Variants in C5 observed in about 807,000 individuals in gnomAD.
The protein encoded by C5 is complement C5, also known as C3 and PZP-like alpha-2-macroglobulin domain-containing protein 4.
Under a neutral mutation model 218.8 loss-of-function variants are expected in C5, and 140 were observed. The observed-to-expected ratio is 0.64, with a 90% CI of 0.56 to 0.74. C5 has a LOEUF of 0.74. C5 is among the 30% of genes least tolerant of loss of function. C5 has a pLI of 0.00. For synonymous variants in C5, 614 were observed against 682.3 expected, an observed-to-expected ratio of 0.90 and a Z score of 1.56; for missense variants, 1,700 against 1,969.6, an observed-to-expected ratio of 0.86 and a Z score of 2.59.
chr9:120,954,533 C>G (rs952164906), intron 39 of C5, among the ~76,000 whole-genome samples: 26 of 152,176 alleles, frequency 1.7e-4, no homozygotes, highest in Non-Finnish European at 2.1e-4. Flanking sequence ...CCTGGATGCT[C>G]TTTGTTTTAA....
chr9:121,034,976 A>G, intron 4 of C5, 82 bp from the exon 5 acceptor site: 3 of 678,350 alleles, frequency 4.4e-6, no homozygotes, highest in Non-Finnish European at 7.8e-6. Context: ...TTGATGTACA[A>G]AATATTTATA....
intron 30 of C5, among the ~76,000 whole-genome samples, chr9:120,974,506 C>A (rs555956484): frequency 6.6e-6 from 1 of 152,350 alleles, no homozygotes; most frequent in South Asian, 2.1e-4. Flanking sequence ...CAGCCAGGAT[C>A]AGGAGGGCCC....
At chr9:120,976,934 T>C (rs1381903774) in intron 28 of C5, 29 bp from the exon 29 acceptor site, 3 of 1,568,480 alleles carry the variant, frequency 1.9e-6, no homozygotes, top group East Asian at 2.2e-5. Context: ...CATTCATTAA[T>C]ATGATTAAAA....
chr9:121,027,108 C>G (rs2047430521), intron 8 of C5, 52 bp downstream of exon 8: 2 of 961,350 alleles, frequency 2.1e-6, no homozygotes, highest in South Asian at 2.7e-5. Context: ...CTTCTCATCT[C>G]TCACCTCTGG....
intron 28 of C5, among the ~76,000 whole-genome samples, chr9:120,978,543 C>T (rs1037783445): frequency 1.3e-5 from 2 of 152,058 alleles, no homozygotes; most frequent in East Asian, 1.9e-4. Context: ...TTTGAAGTAT[C>T]GTACAAGTGG....
rs556076963 is a variant in C5 at position 120,967,724 on chromosome 9, T to A, written c.4220+1337A>T. Reference sequence around the variant, plus strand: ...ATACCTACATATTCTTTTCTTTTTCTTTTTTTTTTTATTTGGAGACAAGGT... The same window carrying A: ...ATACCTACATATTCTTTTCTTTTTCATTTTTTTTTTATTTGGAGACAAGGT... On this transcript the variant is annotated intron_variant, in intron 33 of 40. Coordinates refer to ENST00000223642, the MANE Select transcript of C5 (RefSeq NM_001735.3). 6.4e-3 allele frequency among the ~76,000 whole-genome samples: 940 copies of A among 146,042 alleles called. 12 individuals are homozygous for A. Among genetic ancestry groups the A allele is most frequent in the African/African-American group, 0.023 (909 of 40,070 alleles).
rs2047284128 is a variant in C5, at chr9:121,013,913, A to T, written c.2217T>A (p.Arg739=). The stretch of plus-strand genomic sequence containing the variant: ...GCATGTCTTTATGAGAGATATTAGC[A>T]CGGAGCTGGCTTGCGACGACACAAC... ...TECCVVASQL[R]ANISHKDMQL... is the part of the protein sequence containing the mutation. Residue 739 remains arginine (R), a synonymous_variant, in exon 17 of 41, where the codon CGT becomes CGA. Transcript: ENST00000223642. 1.2e-6 allele frequency: 2 copies of T among 1,614,056 alleles called. No individual in the cohort carries two copies. The highest frequency in any genetic ancestry group is 1.7e-6 in the Non-Finnish European group (2 of 1,180,036).
Position 120,963,736 on chromosome 9 carries a change from T to C in C5, c.4223A>G (p.Tyr1408Cys). The change falls in exon 34 of 41, where the codon TAC (tyrosine) becomes TGC (cysteine). Residue 1408 changes from tyrosine (Y) to cysteine (C), a missense_variant and splice_region_variant. Transcript: ENST00000223642. ...TGATGATTCTTCCCTGCTGGGCTTG[T>C]AGCTAAAATAAAAAAGAGGTTAGAA... Reference protein sequence around the residue: ...DYKRIVACASYKPSREESSSG... With the variant: ...DYKRIVACASCKPSREESSSG... 1 of 1,608,732 alleles carries C rather than the reference T, an allele frequency of 6.2e-7. No homozygotes were observed. Among genetic ancestry groups the C allele is most frequent in the Non-Finnish European group, 8.5e-7 (1 of 1,175,334 alleles).
chr9:121,004,941 C>T (rs2047204332), intron 20 of C5, among the ~76,000 whole-genome samples: 1 of 150,894 alleles, frequency 6.6e-6, no homozygotes, highest in Admixed American at 6.6e-5. Flanking sequence ...ATTTTAGATG[C>T]CAATTTTAAA....
chr9:120,993,049 T>C (rs2047088490), intron 22 of C5, among the ~76,000 whole-genome samples: 1 of 152,172 alleles, frequency 6.6e-6, no homozygotes, highest in African/African-American at 2.4e-5. Context: ...TGGACAAGTA[T>C]ATGAAGAAAT....
At position 121,016,338 on chromosome 9, in the gene C5, C is replaced by T; in HGVS notation, c.1912G>A (p.Gly638Ser). 6 of 1,614,060 alleles carry T rather than the reference C, an allele frequency of 3.7e-6. No homozygotes were observed. Among genetic ancestry groups the T allele is most frequent in the Non-Finnish European group, 5.1e-6 (6 of 1,179,946 alleles). ...EKSDLGCGAGGGLNNANVFHL... is the reference protein window; with the variant it reads ...EKSDLGCGAGSGLNNANVFHL... ...AACACATTGGCATTGTTGAGGCCAC[C>T]ACCTGCCCCACAGCCCAGATCACTC... The change falls in exon 15 of 41, where the codon GGT (glycine) becomes AGT (serine). Residue 638 changes from glycine to serine, a missense_variant. Transcript: ENST00000223642.
chr9:120,997,367 G>A (rs1019893955), intron 21 of C5, among the ~76,000 whole-genome samples, 180 bp downstream of exon 21: 3 of 151,958 alleles, frequency 2.0e-5, no homozygotes, highest in Middle Eastern at 3.4e-3. Flanking sequence ...TTTTAAGCAC[G>A]ATTTCAGACT....
intron 29 of C5, among the ~76,000 whole-genome samples, chr9:120,975,853 A>G (rs1164149657): frequency 6.6e-6 from 1 of 152,206 alleles, no homozygotes; most frequent in African/African-American, 2.4e-5. Context: ...TAGCAGGTAC[A>G]TAAATATTTG....
upstream of C5, among the ~76,000 whole-genome samples, chr9:121,054,712 T>C (rs1172213321): frequency 6.6e-6 from 1 of 152,200 alleles, no homozygotes; most frequent in African/African-American, 2.4e-5. Context: ...ATAAAAATAT[T>C]TTACCTCAAA....
rs547162250 is a variant in C5 at position 121,028,140 on chromosome 9, T to C, written c.759-866A>G. 1.3e-3 allele frequency among the ~76,000 whole-genome samples: 204 copies of C among 152,216 alleles called. 1 individual carries two copies. The South Asian group carries it at 0.023, about 17-fold the overall frequency. On this transcript the variant is annotated intron_variant, in intron 7 of 40. Transcript: ENST00000223642. Reference sequence around the variant, plus strand: ...AGAGAAATGCAAATCAAAACCACAATGAGATACCATCTCACACCAGTTAGA... The same window carrying C: ...AGAGAAATGCAAATCAAAACCACAACGAGATACCATCTCACACCAGTTAGA...
In C5 at chr9:120,969,109, T is replaced by C. The variant is rs760653459; in HGVS notation, c.4172A>G (p.Tyr1391Cys). ...GTAATCAGAGTTTCCGTAGCCTCTG[T>C]AGTGGGATGCTGGCACATAAGACAA... is the stretch of plus-strand genomic sequence containing the variant. Reference protein sequence around the residue: ...IDTQDIEASHYRGYGNSDYKR... With the variant: ...IDTQDIEASHCRGYGNSDYKR... The change falls in exon 33 of 41, where the codon TAC becomes TGC. Residue 1391 changes from tyrosine to cysteine, a missense_variant. Physicochemically the swap from Tyr to Cys is radical, Grantham distance 194. Transcript: ENST00000223642. 1.2e-6 allele frequency: 2 copies of C among 1,613,860 alleles called. No homozygotes were observed.
the C5 span, among the ~76,000 whole-genome samples, chr9:121,067,965 G>A: frequency 6.6e-6 from 1 of 152,206 alleles, no homozygotes; most frequent in East Asian, 1.9e-4. Context: ...CTTTATAGTA[G>A]GGTAAAAATG....
Position 120,980,257 on chromosome 9 carries a change from G to T in C5, c.3487-3C>A. ...TTAATTAGAGCTGTGTCGATTTTCTGGAAACAAGAGAAGATACTTCAGTTT... is the reference window on the plus strand; with the variant it reads ...TTAATTAGAGCTGTGTCGATTTTCTTGAAACAAGAGAAGATACTTCAGTTT... On this transcript the variant is annotated splice_polypyrimidine_tract_variant and splice_region_variant and intron_variant, in intron 27 of 40. Coordinates refer to ENST00000223642, the MANE Select transcript of C5 (RefSeq NM_001735.3). The T allele has an allele frequency of 6.2e-7, 1 of 1,613,740 alleles. No homozygotes were observed. Among genetic ancestry groups the T allele is most frequent in the Admixed American group, 1.7e-5 (1 of 60,020 alleles).
intron 22 of C5, 151 bp downstream of exon 22, chr9:120,996,089 G>A: frequency 1.4e-6 from 1 of 719,448 alleles, no homozygotes. Context: ...AAAGTGCTAG[G>A]ATTACAGGCA....
Sources: gnomAD v4.1 joint callset for allele counts (sites outside exome capture counted in the v4.1 genomes callset) on GRCh38, gnomAD v4.1.1 for gene constraint, MANE v1.5 for transcripts, NCBI Gene and HGNC (gene_info 2026-07-23, HGNC 2026-07-21) for gene names.